EFCAB12: variants seen among roughly 807,000 people sequenced by gnomAD.
EFCAB12 encodes the protein EF-hand calcium binding domain 12, also known as EF-hand calcium-binding domain-containing protein 12.
EFCAB12 carries 43 observed loss-of-function variants against 53.6 expected under a neutral mutation model. The ratio of observed to expected loss-of-function variants is 0.80; its 90% CI spans 0.63 to 1.03. EFCAB12 has a LOEUF of 1.03. EFCAB12 is among the 50% of genes least tolerant of loss of function. The pLI, the probability that EFCAB12 is intolerant of heterozygous loss-of-function variation, is 0.00. For synonymous variants in EFCAB12, 269 were observed against 289.2 expected (o/e 0.93, Z 0.71); for missense variants, 646 against 730.6 (o/e 0.88, Z 1.34).
chr3:129,410,033 C>T (rs1000298775), intron 5 of EFCAB12, among the ~76,000 whole-genome samples: 2 of 150,618 alleles, frequency 1.3e-5, no homozygotes, highest in East Asian at 2.0e-4. Context: ...TTTAGAGACA[C>T]GGTCTCACTC....
chr3:129,428,293 G>A, intron 1 of EFCAB12, 147 bp downstream of exon 1: 2 of 1,128,428 alleles, frequency 1.8e-6, no homozygotes, highest in South Asian at 1.3e-5. Flanking sequence ...TCTCAGAAAT[G>A]TACATGACCT....
chr3:129,402,037 A>G (rs2071878887), intron 8 of EFCAB12, among the ~76,000 whole-genome samples, 186 bp from the exon 9 acceptor site: 1 of 152,186 alleles, frequency 6.6e-6, no homozygotes, highest in Non-Finnish European at 1.5e-5. Flanking sequence ...ACCTGTGAGG[A>G]CCCAGAGGCC....
Position 129,428,611 on chromosome 3 carries a change from A to C in EFCAB12, c.-123T>G, listed in dbSNP as rs1008301628. The C allele has an allele frequency of 4.9e-6, 6 of 1,235,188 alleles. No individual in the cohort carries two copies. In the East Asian group the frequency reaches 7.7e-5, roughly 16 times the overall value. The allele number at this position is 1,235,188 out of a possible 1,614,324, so 76.5% of individuals were successfully genotyped here. ...ACTCCAAGTCGTGCGAAAGGCGCTC[A>C]GCTCAGACTGCAGAAGCAACCTGTT... is the stretch of plus-strand genomic sequence containing the variant. On this transcript the variant is annotated 5_prime_UTR_variant, in exon 1 of 9. Coordinates refer to ENST00000505956, the MANE Select transcript of EFCAB12 (RefSeq NM_207307.3).
In EFCAB12 at chr3:129,402,585, G is replaced by A. The variant is rs775216412; in HGVS notation, c.1404-6C>T. 2 of 1,611,724 alleles carry A rather than the reference G, an allele frequency of 1.2e-6. No individual in the cohort carries two copies. The highest frequency in any genetic ancestry group is 1.7e-6 in the Non-Finnish European group (2 of 1,178,616). The stretch of plus-strand genomic sequence containing the variant: ...TGCTTTTCTTTGGCGTTTTCCTAGT[G>A]GAGAAGAGAGAGGCATTTTGTGAGG... On this transcript the variant is annotated splice_polypyrimidine_tract_variant and splice_region_variant and intron_variant, in intron 7 of 8. Transcript: ENST00000505956.
rs2107743925 is a variant in EFCAB12 at position 129,426,315 on chromosome 3, T to TTCC, written c.49+2122_49+2124dup. 1.3e-5 allele frequency among the ~76,000 whole-genome samples: 2 copies of TTCC among 152,122 alleles called. 1 individual carries two copies. The highest frequency in any genetic ancestry group is 4.1e-4 in the South Asian group (2 of 4,820). On this transcript the variant is annotated intron_variant, in intron 1 of 8. Transcript: ENST00000505956. ...AGCTCCAAGTTTATACCTCCAGTTGTTCCTAAAACATCTCCACTTGGATGG... is the reference window on the plus strand; with the variant it reads ...AGCTCCAAGTTTATACCTCCAGTTGTTCCTCCTAAAACATCTCCACTTGGATGG...
intron 4 of EFCAB12, chr3:129,414,227 A>C (rs2072083000): frequency 1.3e-5 from 2 of 152,170 alleles, no homozygotes; most frequent in African/African-American, 4.8e-5. Context: ...TGGACATTGA[A>C]AATCTCCTGG....
At chr3:129,417,217 C>A (rs113052965) in intron 3 of EFCAB12, among the ~76,000 whole-genome samples, 13,169 of 149,622 alleles carry the variant, frequency 0.088, 640 homozygotes, top group South Asian at 0.13. Flanking sequence ...CCCAACTACT[C>A]GGGAGTCTGA....
chr3:129,421,368 C>G lies in EFCAB12; in HGVS notation c.485G>C (p.Arg162Thr). Residue 162 changes from arginine (R) to threonine (T), a missense_variant and splice_region_variant, in exon 2 of 9, where the codon AGG (arginine) becomes ACG (threonine). Transcript: ENST00000505956. ...NASQATTRTTRKKAPRLSRLS... is the reference protein window; with the variant it reads ...NASQATTRTTTKKAPRLSRLS... ...CATCTGGCAAATGGGGCTGCTCACC[C>G]TGGTGGTCCTGGTAGTTGCCTGGGA... is the stretch of plus-strand genomic sequence containing the variant. 6.2e-7 allele frequency: 1 copy of G among 1,602,832 alleles called. No individual in the cohort carries two copies. Among genetic ancestry groups the G allele is most frequent in the Non-Finnish European group, 8.5e-7 (1 of 1,171,972 alleles).
At chr3:129,421,895 A>G (rs60414131) in intron 1 of EFCAB12, 92 bp from the exon 2 acceptor site, 2 of 1,290,948 alleles carry the variant, frequency 1.5e-6, no homozygotes, top group South Asian at 1.5e-5. Context: ...AGGCTGGGCA[A>G]CAGGGCCCTG....
In EFCAB12 at chr3:129,425,862, T is replaced by C. The variant is rs72986940; in HGVS notation, c.49+2578A>G. Among the ~76,000 whole-genome samples the C allele has an allele frequency of 3.9e-5, 6 of 152,326 alleles. No individual in the cohort carries two copies. The South Asian group carries it at 1.2e-3, about 32-fold the overall frequency. ...ACTTTGCCTCTGTTTATACATCTCCTGTGACGTGGAACTTTCTACTTAACA... is the reference window on the plus strand; with the variant it reads ...ACTTTGCCTCTGTTTATACATCTCCCGTGACGTGGAACTTTCTACTTAACA... On this transcript the variant is annotated intron_variant, in intron 1 of 8. Transcript: ENST00000505956.
At chr3:129,416,450 A>G (rs948844405) in intron 3 of EFCAB12, among the ~76,000 whole-genome samples, 1 of 146,806 alleles carries the variant, frequency 6.8e-6, no homozygotes, top group Admixed American at 6.8e-5. Context: ...AACAAACAAA[A>G]AAATGAACTC....
intron 3 of EFCAB12, among the ~76,000 whole-genome samples, chr3:129,415,951 T>C (rs1201835180): frequency 2.6e-5 from 4 of 152,236 alleles, no homozygotes; most frequent in Admixed American, 6.5e-5. Context: ...GGAAATATGA[T>C]TTTGTTCTTC....
intron 5 of EFCAB12, among the ~76,000 whole-genome samples, chr3:129,409,801 G>A (rs2072007096): frequency 4.6e-5 from 7 of 152,112 alleles, no homozygotes; most frequent in Admixed American, 4.6e-4. Context: ...GGCTCACCAG[G>A]CCTAAAATGT....
chr3:129,402,029 C>T (rs2071878834), intron 8 of EFCAB12, among the ~76,000 whole-genome samples, 178 bp from the exon 9 acceptor site: 1 of 152,230 alleles, frequency 6.6e-6, no homozygotes. Flanking sequence ...TCGACCTCAC[C>T]TGTGAGGACC....
intron 3 of EFCAB12, among the ~76,000 whole-genome samples, chr3:129,416,984 C>T (rs2072123563): frequency 1.3e-5 from 2 of 151,858 alleles, no homozygotes; most frequent in African/African-American, 4.8e-5. Context: ...TGTATAAAAA[C>T]GTAATTCATC....
chr3:129,408,757 A>T lies in EFCAB12; in HGVS notation c.1137T>A (p.Asp379Glu). 6.3e-7 allele frequency: 1 copy of T among 1,579,892 alleles called. No homozygotes were observed. ...GGGCCGAGTCAATGAGCTCCCTCAT[A>T]TCCCCGTGGATGGTGGACGGGAGGC... ...EHCLPSTIHG[D>E]MRELIDSARR... The change falls in exon 6 of 9, where the codon GAT becomes GAA. Residue 379 changes from aspartate to glutamate, a missense_variant. Coordinates refer to ENST00000505956, the MANE Select transcript of EFCAB12 (RefSeq NM_207307.3).
rs139410166 is a variant in EFCAB12, at chr3:129,411,181, G to A, written c.1012C>T (p.Arg338Cys). Residue 338 changes from arginine to cysteine, a missense_variant, in exon 5 of 9, where the codon CGC becomes TGC. Physicochemically the swap from Arg to Cys is radical, Grantham distance 180 (BLOSUM62 -3). Transcript: ENST00000505956. ...EEMEEVGKRY[R>C]ERQRQHKLTI... The stretch of plus-strand genomic sequence containing the variant: ...ACCTTGTGCTGTCGCTGCCGCTCGC[G>A]GTACCGCTTGCCCACTTCCTCCATC... 4.7e-5 allele frequency: 76 copies of A among 1,605,278 alleles called. No individual in the cohort carries two copies. The East Asian group carries it at 1.2e-3, about 25-fold the overall frequency.
intron 7 of EFCAB12, chr3:129,403,450 A>T (rs954379429): frequency 6.6e-6 from 1 of 152,212 alleles, no homozygotes; most frequent in Non-Finnish European, 1.5e-5. Flanking sequence ...ATTTAACCGA[A>T]GGCCTGTCTG....
At position 129,421,693 on chromosome 3, in the gene EFCAB12, G is replaced by A. The variant is rs766196850; in HGVS notation, c.160C>T (p.Gln54Ter). The A allele has an allele frequency of 1.2e-6, 2 of 1,613,854 alleles. No homozygotes were observed. The highest frequency in any genetic ancestry group is 2.7e-5 in the African/African-American group (2 of 75,032). Residue 54 changes from glutamine (Q) to a stop codon, truncating the protein, a stop_gained, in exon 2 of 9, where the codon CAG (glutamine) becomes TAG (stop). Transcript: ENST00000505956. LOFTEE classifies it high-confidence loss of function. ...QFQQKDFRLP[Q>*]TRRRIIMVPR... Reference sequence around the variant, plus strand: ...ACCATGATGATTCGCCGGCGGGTCTGAGGCAGGCGGAAGTCCTTCTGCTGG... The same window carrying A: ...ACCATGATGATTCGCCGGCGGGTCTAAGGCAGGCGGAAGTCCTTCTGCTGG...
Sources: allele counts gnomAD v4.1 joint callset (sites outside exome capture counted in the v4.1 genomes callset), GRCh38; gene constraint gnomAD v4.1.1; transcripts MANE v1.5; gene names NCBI Gene and HGNC (gene_info 2026-07-23, HGNC 2026-07-21).